Variants in GRK5 observed in about 807,000 individuals in gnomAD.
GRK5 encodes G protein-coupled receptor kinase 5.
A neutral mutation model predicts 78.4 loss-of-function variants in GRK5; 40 were observed. That is an observed-to-expected ratio of 0.51 (90% CI 0.40 to 0.66). The LOEUF is 0.66. Ranked by LOEUF, GRK5 falls within the 30% of genes least tolerant of loss-of-function variation. The pLI, the probability that GRK5 is intolerant of heterozygous loss-of-function variation, is 0.00. For missense variants in GRK5, 598 were observed against 759.9 expected (o/e 0.79, Z 2.50); for synonymous variants, 289 against 296.8 (o/e 0.97, Z 0.27).
chr10:119,450,370 A>G (rs1166236680), intron 13 of GRK5, among the ~76,000 whole-genome samples: 4 of 152,168 alleles, frequency 2.6e-5, no homozygotes, highest in South Asian at 4.1e-4. Context: ...GGGAGATCCC[A>G]TGGCACACAA....
chr10:119,236,431 G>A (rs538405390), intron 1 of GRK5, among the ~76,000 whole-genome samples: 7 of 152,014 alleles, frequency 4.6e-5, no homozygotes, highest in Non-Finnish European at 7.4e-5. Flanking sequence ...AGCCAGGATG[G>A]TCTCGATCTC....
chr10:119,338,032 C>G (rs374831407), intron 2 of GRK5, among the ~76,000 whole-genome samples: 1 of 152,158 alleles, frequency 6.6e-6, no homozygotes, highest in Non-Finnish European at 1.5e-5. Context: ...AATAAGGTCA[C>G]GTTCTGAGGT....
chr10:119,302,330 A>C (rs1042828656), intron 1 of GRK5, among the ~76,000 whole-genome samples: 3 of 152,230 alleles, frequency 2.0e-5, no homozygotes, highest in African/African-American at 4.8e-5. Flanking sequence ...ACAGGGTTAC[A>C]TCCTGCTTCC....
intron 1 of GRK5, among the ~76,000 whole-genome samples, chr10:119,306,209 G>A (rs895855829): frequency 1.3e-5 from 2 of 152,198 alleles, no homozygotes; most frequent in African/African-American, 4.8e-5. Flanking sequence ...GACCCGTGGT[G>A]ATTCTTGTCG....
In GRK5 at chr10:119,336,517, C is replaced by T. The variant is rs766602708; in HGVS notation, c.148+9906C>T. 1.1e-4 allele frequency among the ~76,000 whole-genome samples: 17 copies of T among 152,220 alleles called. No individual in the cohort carries two copies. The highest frequency in any genetic ancestry group is 2.1e-4 in the Non-Finnish European group (14 of 68,002). On this transcript the variant is annotated intron_variant, in intron 2 of 15. Coordinates refer to ENST00000392870, the MANE Select transcript of GRK5 (RefSeq NM_005308.3). This position sits in a 1 kb window ranked among gnomAD's most constrained non-coding sequence, Gnocchi z 4.5. ...AATCAAATGAATAAAGACCAAATAC[C>T]CTGCCTGATTCCACAGTGGGGCAGA...
rs2133777950 is a variant in GRK5 at position 119,336,678 on chromosome 10, G to GA, written c.148+10068dup. ...CTTCAGGCCTGCCTGGCTGGCACGT[G>GA]AGCTCTTGATTTCATCGTCAGGGAA... On this transcript the variant is annotated intron_variant, in intron 2 of 15. Coordinates refer to ENST00000392870, the MANE Select transcript of GRK5 (RefSeq NM_005308.3). This position sits in a 1 kb window ranked among gnomAD's most constrained non-coding sequence, Gnocchi z 4.5. 6.6e-6 allele frequency among the ~76,000 whole-genome samples: 1 copy of GA among 152,276 alleles called. No individual in the cohort carries two copies. Among genetic ancestry groups the GA allele is most frequent in the East Asian group, 1.9e-4 (1 of 5,172 alleles).
chr10:119,291,989 T>C (rs796086859), intron 1 of GRK5, among the ~76,000 whole-genome samples: 49 of 3,418 alleles, frequency 0.014, no homozygotes, highest in African/African-American at 0.031. Context: ...TCTTCCTCCT[T>C]CTTCTCCTCC....
intron 1 of GRK5, among the ~76,000 whole-genome samples, chr10:119,218,140 T>C (rs1224270270): frequency 6.6e-6 from 1 of 151,858 alleles, no homozygotes; most frequent in Non-Finnish European, 1.5e-5. Flanking sequence ...CAGGGGGCTT[T>C]GTGAGGCAAG....
intron 3 of GRK5, among the ~76,000 whole-genome samples, chr10:119,381,534 C>G (rs7902736): frequency 0.89 from 135,939 of 152,328 alleles, 61,029 homozygotes; most frequent in Non-Finnish European, 0.95. Context: ...TCTTCCTTCA[C>G]ATGTGCTTGT....
At chr10:119,400,237 G>A (rs1228470433) in intron 4 of GRK5, among the ~76,000 whole-genome samples, 1 of 152,214 alleles carries the variant, frequency 6.6e-6, no homozygotes, top group African/African-American at 2.4e-5. Flanking sequence ...GGGAGCAGTG[G>A]TGGAGCTGTG....
chr10:119,429,928 T>G (rs898653049), intron 6 of GRK5, among the ~76,000 whole-genome samples: 1 of 152,000 alleles, frequency 6.6e-6, no homozygotes, highest in Admixed American at 6.6e-5. Flanking sequence ...GATGCACAGG[T>G]GTAGGGAGGG....
At chr10:119,273,805 G>T (rs1011863400) in intron 1 of GRK5, among the ~76,000 whole-genome samples, 2 of 151,950 alleles carry the variant, frequency 1.3e-5, no homozygotes, top group Admixed American at 6.6e-5. Flanking sequence ...ATGGAGTCTC[G>T]CTCTGTCACC....
At chr10:119,413,792 C>T (rs185784742) in intron 4 of GRK5, among the ~76,000 whole-genome samples, 54 of 152,298 alleles carry the variant, frequency 3.5e-4, no homozygotes, top group African/African-American at 1.2e-3. Flanking sequence ...CCCAGCACAA[C>T]GCCTGCCTCT....
At chr10:119,304,447 G>A (rs543331227) in intron 1 of GRK5, among the ~76,000 whole-genome samples, 42 of 152,074 alleles carry the variant, frequency 2.8e-4, no homozygotes, top group African/African-American at 9.6e-4. Flanking sequence ...GTGTGCCATC[G>A]CGCCTGGCTA....
Position 119,267,009 on chromosome 10 carries a change from C to T in GRK5, c.52+59040C>T, listed in dbSNP as rs1366212079. Among the ~76,000 whole-genome samples, 5 of 152,056 alleles carry T rather than the reference C, an allele frequency of 3.3e-5. No individual in the cohort carries two copies. The highest frequency in any genetic ancestry group is 2.1e-4 in the South Asian group (1 of 4,806). On this transcript the variant is annotated intron_variant, in intron 1 of 15. Transcript: ENST00000392870. This position sits in a 1 kb window ranked among gnomAD's most constrained non-coding sequence, Gnocchi z 4.1. Reference sequence around the variant, plus strand: ...CTGTAATCCCAGCACTTTGGGAGGCCGAGGTGCGCGGATCACCTGAGGTCG... The same window carrying T: ...CTGTAATCCCAGCACTTTGGGAGGCTGAGGTGCGCGGATCACCTGAGGTCG...
At chr10:119,337,609 T>TC (rs373325268) in intron 2 of GRK5, among the ~76,000 whole-genome samples, 1 of 151,766 alleles carries the variant, frequency 6.6e-6, no homozygotes, top group Non-Finnish European at 1.5e-5. Context: ...TCTCTAAGTT[T>TC]CCCCCCCACT....
At chr10:119,383,575 C>G (rs1851747641) in intron 3 of GRK5, among the ~76,000 whole-genome samples, 1 of 152,208 alleles carries the variant, frequency 6.6e-6, no homozygotes, top group East Asian at 1.9e-4. Context: ...TCTAAAATAC[C>G]AAACTGGTTC....
chr10:119,458,221 G>A lies in GRK5; in HGVS notation c.*3154G>A, dbSNP rs554157371. ...GTGAGACATGGGATCTCTCAGAAGC[G>A]TCTCTGCATCTGCATTTCAGGAGAT... On this transcript the variant is annotated 3_prime_UTR_variant, in exon 16 of 16. Transcript: ENST00000392870. The A allele has an allele frequency of 4.6e-5, 7 of 152,284 alleles. No individual in the cohort carries two copies. The highest frequency in any genetic ancestry group is 2.1e-4 in the South Asian group (1 of 4,820). The allele number at this position is 152,284 out of a possible 1,614,324, so 9.4% of individuals were successfully genotyped here. A position where few individuals can be genotyped will look rare whatever the true frequency, so the allele number is the denominator to read the frequency against.
intron 1 of GRK5, among the ~76,000 whole-genome samples, chr10:119,325,295 C>T (rs1475406806): frequency 6.6e-6 from 1 of 152,170 alleles, no homozygotes; most frequent in African/African-American, 2.4e-5. Flanking sequence ...GGTGCTTGTC[C>T]AGGCTTGCCT....
Sources: gnomAD v4.1 joint callset for allele counts (sites outside exome capture counted in the v4.1 genomes callset) on GRCh38, gnomAD v4.1.1 for gene constraint, Gnocchi (gnomAD v3.1) non-coding constraint, MANE v1.5 for transcripts, NCBI Gene and HGNC (gene_info 2026-07-23, HGNC 2026-07-21) for gene names.